RFC3: variants seen among roughly 807,000 people sequenced by gnomAD.
The protein encoded by RFC3 is A1 38 kDa subunit.
RFC3 carries 41 observed loss-of-function variants against 45.1 expected under a neutral mutation model. The ratio of observed to expected loss-of-function variants is 0.91; its 90% CI spans 0.71 to 1.18. The LOEUF (loss-of-function observed/expected upper bound fraction) is 1.18, where lower values mean the gene tolerates loss of function less well. Among genes scored for constraint, RFC3 ranks in the 50% most tolerant of loss-of-function variants. The pLI, the probability that RFC3 is intolerant of heterozygous loss-of-function variation, is 0.00. For synonymous variants in RFC3, 149 were observed against 144.0 expected, an observed-to-expected ratio of 1.03 and a Z score of -0.25; for missense variants, 423 against 428.1, an observed-to-expected ratio of 0.99 and a Z score of 0.10.
intron 8 of RFC3, among the ~76,000 whole-genome samples, chr13:33,920,420 C>CTA (rs1555241368): frequency 1.3e-3 from 111 of 83,176 alleles, no homozygotes; most frequent in African/African-American, 5.3e-3. Flanking sequence ...TACAACCACA[C>CTA]TTTTTTTTTT....
chr13:33,823,931 A>G lies in RFC3; in HGVS notation c.240A>G (p.Lys80=). The stretch of plus-strand genomic sequence containing the variant: ...TTTGTCCACAGACTCCATCTAAAAA[A>G]AAAATTGAAATTAGCACCATTGCAA... ...EHQTITTPSK[K]KIEISTIASN... The change falls in exon 3 of 9, where the codon AAA becomes AAG. Residue 80 remains lysine, a synonymous_variant. Coordinates refer to ENST00000380071, the MANE Select transcript of RFC3 (RefSeq NM_002915.4). 1 of 1,562,398 alleles carries G rather than the reference A, an allele frequency of 6.4e-7. No individual in the cohort carries two copies. Among genetic ancestry groups the G allele is most frequent in the South Asian group, 1.1e-5 (1 of 87,280 alleles).
At chr13:33,828,883 C>T (rs868603089) in intron 4 of RFC3, among the ~76,000 whole-genome samples, 4 of 152,146 alleles carry the variant, frequency 2.6e-5, no homozygotes, top group East Asian at 1.9e-4. Context: ...AGTATGTTCC[C>T]GTGGGTGATT....
intron 8 of RFC3, among the ~76,000 whole-genome samples, chr13:33,884,536 G>A (rs2082507326): frequency 6.6e-6 from 1 of 152,150 alleles, no homozygotes; most frequent in African/African-American, 2.4e-5. Context: ...GAAATATGCT[G>A]GAGATGAACT....
intron 8 of RFC3, among the ~76,000 whole-genome samples, chr13:33,864,929 G>T (rs997229840): frequency 5.3e-5 from 8 of 152,096 alleles, no homozygotes; most frequent in African/African-American, 1.9e-4. Context: ...GCGATTTTGA[G>T]ATGTAAAGAG....
chr13:33,893,856 A>G (rs1443059660), intron 8 of RFC3, among the ~76,000 whole-genome samples: 8 of 152,084 alleles, frequency 5.3e-5, no homozygotes, highest in Admixed American at 6.6e-5. Context: ...AAGAATGAAG[A>G]CCATCTACAG....
intron 8 of RFC3, among the ~76,000 whole-genome samples, chr13:33,914,085 G>A (rs772320229): frequency 2.6e-5 from 4 of 152,072 alleles, no homozygotes; most frequent in Non-Finnish European, 5.9e-5. Flanking sequence ...GATGATAAAA[G>A]TGTGTTGTCC....
At position 33,836,403 on chromosome 13, in the gene RFC3, G is replaced by A. The variant is rs181789277; in HGVS notation, c.*108G>A. ...CTGAACTTAATCATGTCGTATTTGC[G>A]TTTTTTTGGTAATAACTTCTCTGTG... On this transcript the variant is annotated 3_prime_UTR_variant, in exon 9 of 9. Transcript: ENST00000380071. 4,895 of 1,493,422 alleles carry A rather than the reference G, an allele frequency of 3.3e-3. 9 individuals carry two copies. The highest frequency in any genetic ancestry group is 4.1e-3 in the Non-Finnish European group (4,590 of 1,125,610). The allele number at this position is 1,493,422 out of a possible 1,614,324, so 92.5% of individuals were successfully genotyped here. A position where few individuals can be genotyped will look rare whatever the true frequency, so the allele number is the denominator to read the frequency against.
At chr13:33,953,502 A>T (rs542574822) in intron 8 of RFC3, among the ~76,000 whole-genome samples, 9 of 152,236 alleles carry the variant, frequency 5.9e-5, no homozygotes, top group African/African-American at 1.9e-4. Flanking sequence ...AATTTTAGAG[A>T]TGTCATAAAT....
intron 8 of RFC3, among the ~76,000 whole-genome samples, chr13:33,861,013 C>T (rs549246625): frequency 3.3e-5 from 5 of 152,210 alleles, no homozygotes; most frequent in Admixed American, 1.3e-4. Context: ...ATCCTCCCGC[C>T]TCAGCCTCCT....
At chr13:33,956,024 G>A (rs1347299147) in intron 8 of RFC3, among the ~76,000 whole-genome samples, 1 of 152,160 alleles carries the variant, frequency 6.6e-6, no homozygotes, top group Non-Finnish European at 1.5e-5. Context: ...TTTAACAACT[G>A]TATCATTCAC....
At chr13:33,832,223 CT>C (rs1274583914) in intron 7 of RFC3, among the ~76,000 whole-genome samples, 1 of 152,120 alleles carries the variant, frequency 6.6e-6, no homozygotes, top group Non-Finnish European at 1.5e-5. Context: ...AAAGCACAGT[CT>C]CATATCCTTG....
At chr13:33,831,542 A>T (rs1190074115) in intron 7 of RFC3, among the ~76,000 whole-genome samples, 188 bp downstream of exon 7, 7 of 98,934 alleles carry the variant, frequency 7.1e-5, no homozygotes, top group Admixed American at 1.2e-4. Flanking sequence ...GTGTGATATT[A>T]TGGCTTTTAT....
At chr13:33,821,813 C>T (rs762169816) in intron 2 of RFC3, among the ~76,000 whole-genome samples, 8 of 152,178 alleles carry the variant, frequency 5.3e-5, no homozygotes, top group Non-Finnish European at 1.2e-4. Flanking sequence ...TAAGATCTAG[C>T]TGAAATGTAT....
At chr13:33,914,547 A>G (rs28396301) in intron 8 of RFC3, among the ~76,000 whole-genome samples, 148 of 152,260 alleles carry the variant, frequency 9.7e-4, no homozygotes, top group African/African-American at 3.5e-3. Context: ...GCACAAAAGT[A>G]TTATGCCAGT....
At chr13:33,826,345 C>G (rs1279704153) in intron 4 of RFC3, among the ~76,000 whole-genome samples, 1 of 152,024 alleles carries the variant, frequency 6.6e-6, no homozygotes, top group Non-Finnish European at 1.5e-5. Flanking sequence ...GCCAAATTCT[C>G]TATCTGAAAG....
chr13:33,974,377 G>A, the RFC3 span, among the ~76,000 whole-genome samples: 531 of 152,164 alleles, frequency 3.5e-3, 4 homozygotes, highest in Non-Finnish European at 6.5e-3. Context: ...CTCACAAGTA[G>A]CCCATTAGCA....
Position 33,823,915 on chromosome 13 carries a change from A to T in RFC3, c.226-2A>T, listed in dbSNP as rs1419054246. 1 of 1,502,868 alleles carries T rather than the reference A, an allele frequency of 6.7e-7. No individual in the cohort carries two copies. The highest frequency in any genetic ancestry group is 1.2e-5 in the South Asian group (1 of 84,310). 93.1% of individuals were successfully genotyped at this position (1,502,868 alleles called of 1,614,324 possible). A position where few individuals can be genotyped will look rare whatever the true frequency, so the allele number is the denominator to read the frequency against. On this transcript the variant is annotated splice_acceptor_variant, in intron 2 of 8. Transcript: ENST00000380071. LOFTEE classifies it high-confidence loss of function. ...TAAAAATATCTTTTTCTTTGTCCAC[A>T]GACTCCATCTAAAAAAAAAATTGAA...
At position 33,924,529 on chromosome 13, in the gene RFC3, C is replaced by T. The variant is rs757377974; in HGVS notation, c.880-41558C>T. Among the ~76,000 whole-genome samples, 5 of 151,722 alleles carry T rather than the reference C, an allele frequency of 3.3e-5. No individual in the cohort carries two copies. In the South Asian group the frequency reaches 1.0e-3, roughly 32 times the overall value. ...ATGGTATAGCTTGCAAGGCCTGAAA[C>T]ATTTACTGTTTGGCCCTATATATAA... On this transcript the variant is annotated intron_variant, in intron 8 of 8. Coordinates refer to the RFC3 transcript ENST00000434425.
chr13:33,967,309 T>G (rs758149841), downstream of RFC3, among the ~76,000 whole-genome samples: 1 of 152,162 alleles, frequency 6.6e-6, no homozygotes, highest in Non-Finnish European at 1.5e-5. Context: ...CCATACTGTA[T>G]TCTGCGGAGT....
Sources: gnomAD v4.1 joint callset for allele counts (sites outside exome capture counted in the v4.1 genomes callset) on GRCh38, gnomAD v4.1.1 for gene constraint, MANE v1.5 for transcripts, NCBI Gene and HGNC (gene_info 2026-07-23, HGNC 2026-07-21) for gene names.